Variants in NRF1 observed in about 807,000 individuals in gnomAD.
NRF1 encodes the protein alpha palindromic-binding protein.
NRF1 carries 5 observed loss-of-function variants against 58.5 expected under a neutral mutation model. The observed-to-expected ratio is 0.09, with a 90% CI of 0.04 to 0.18. The LOEUF is 0.18. Among genes scored for constraint, NRF1 ranks in the 10% least tolerant of loss-of-function variants. The pLI is 1.00. For missense variants in NRF1, 288 were observed against 657.7 expected (o/e 0.44, Z 6.15); for synonymous variants, 224 against 246.7 (o/e 0.91, Z 0.86).
At chr7:129,682,475 A>G (rs1802339591) in intron 4 of NRF1, among the ~76,000 whole-genome samples, 1 of 151,828 alleles carries the variant, frequency 6.6e-6, no homozygotes, top group South Asian at 2.1e-4. Flanking sequence ...AAAAAAAACA[A>G]AACAAAAAAA....
intron 5 of NRF1, among the ~76,000 whole-genome samples, chr7:129,697,350 T>C (rs950850279): frequency 1.3e-5 from 2 of 151,918 alleles, no homozygotes; most frequent in South Asian, 4.2e-4. Context: ...GAGACCATCC[T>C]GGCTAACATG....
intron 1 of NRF1, among the ~76,000 whole-genome samples, chr7:129,639,774 C>T (rs1466868719): frequency 1.3e-5 from 2 of 152,148 alleles, no homozygotes; most frequent in Non-Finnish European, 2.9e-5. Flanking sequence ...TCTCGAACTC[C>T]TGGCCTCAGG....
chr7:129,750,593 A>G (rs1804092359), intron 10 of NRF1, among the ~76,000 whole-genome samples: 2 of 152,212 alleles, frequency 1.3e-5, no homozygotes. Context: ...CGAGGTTATG[A>G]AATGACTCCC....
At chr7:129,697,473 G>A (rs1385181267) in intron 5 of NRF1, among the ~76,000 whole-genome samples, 1 of 149,172 alleles carries the variant, frequency 6.7e-6, no homozygotes, top group African/African-American at 2.5e-5. Context: ...GCTTGAACCC[G>A]GGAGGCGGAG....
intron 1 of NRF1, among the ~76,000 whole-genome samples, chr7:129,612,181 G>A (rs1435972787): frequency 6.6e-6 from 1 of 150,974 alleles, no homozygotes; most frequent in Admixed American, 6.6e-5. Flanking sequence ...CCCGCAGCTC[G>A]GGAGCGGGAG....
intron 2 of NRF1, among the ~76,000 whole-genome samples, chr7:129,665,348 C>A (rs1458762751): frequency 6.6e-6 from 1 of 152,154 alleles, no homozygotes; most frequent in Non-Finnish European, 1.5e-5. Flanking sequence ...CTCCACTTAA[C>A]CAGCGTGGGG....
At chr7:129,714,155 G>A (rs1165046196) in intron 8 of NRF1, among the ~76,000 whole-genome samples, 1 of 152,152 alleles carries the variant, frequency 6.6e-6, no homozygotes, top group Non-Finnish European at 1.5e-5. Context: ...CACCTGCCGT[G>A]TTTCTGATTA....
At chr7:129,668,501 G>C (rs1191014196) in intron 2 of NRF1, among the ~76,000 whole-genome samples, 2 of 152,158 alleles carry the variant, frequency 1.3e-5, no homozygotes, top group Admixed American at 1.3e-4. Flanking sequence ...ATCCCATGTT[G>C]AGAGTTTTAT....
intron 1 of NRF1, among the ~76,000 whole-genome samples, chr7:129,612,920 T>C (rs1463454288): frequency 2.0e-5 from 3 of 152,250 alleles, no homozygotes; most frequent in African/African-American, 7.2e-5. Context: ...TCCAGTGATA[T>C]CTGCTCCAAC....
chr7:129,626,651 A>G (rs1800926375), intron 1 of NRF1, among the ~76,000 whole-genome samples: 1 of 152,234 alleles, frequency 6.6e-6, no homozygotes, highest in African/African-American at 2.4e-5. Flanking sequence ...ATTTAAACTT[A>G]CCTACTTTGG....
intron 1 of NRF1, among the ~76,000 whole-genome samples, chr7:129,629,025 G>A (rs1243273350): frequency 6.6e-6 from 1 of 152,218 alleles, no homozygotes; most frequent in African/African-American, 2.4e-5. Flanking sequence ...TAGACTCACT[G>A]TAGCAGATAC....
chr7:129,626,758 CCTT>C (rs1200281546), intron 1 of NRF1, among the ~76,000 whole-genome samples: 24 of 151,674 alleles, frequency 1.6e-4, no homozygotes, highest in African/African-American at 4.9e-4. Flanking sequence ...TCTTTATTCT[CCTT>C]CTGTGATCAG....
At chr7:129,681,680 C>T (rs886902548) in intron 4 of NRF1, among the ~76,000 whole-genome samples, 1 of 152,174 alleles carries the variant, frequency 6.6e-6, no homozygotes, top group Non-Finnish European at 1.5e-5. Context: ...TTCAAGCGAT[C>T]CTCCCGCCTC....
chr7:129,625,353 A>G (rs1175852467), intron 1 of NRF1, among the ~76,000 whole-genome samples: 1 of 152,176 alleles, frequency 6.6e-6, no homozygotes. Flanking sequence ...AAGCATGTGA[A>G]CATATCTTTT....
At chr7:129,702,171 C>A (rs932365931) in intron 5 of NRF1, among the ~76,000 whole-genome samples, 1 of 152,058 alleles carries the variant, frequency 6.6e-6, no homozygotes, top group African/African-American at 2.4e-5. Context: ...CATTTTTGTA[C>A]AGAAGAGTAC....
At chr7:129,704,753 A>G (rs1802911049) in intron 5 of NRF1, among the ~76,000 whole-genome samples, 1 of 152,160 alleles carries the variant, frequency 6.6e-6, no homozygotes, top group Non-Finnish European at 1.5e-5. Flanking sequence ...GCATGAAATA[A>G]AGTTTTGACA....
At chr7:129,624,065 A>AT (rs576526615) in intron 1 of NRF1, among the ~76,000 whole-genome samples, 6 of 152,112 alleles carry the variant, frequency 3.9e-5, no homozygotes, top group Non-Finnish European at 7.4e-5. Context: ...ATGGTATGGT[A>AT]TTTTCCATCC....
intron 1 of NRF1, among the ~76,000 whole-genome samples, chr7:129,644,586 C>G (rs1194986710): frequency 6.6e-6 from 1 of 152,212 alleles, no homozygotes; most frequent in Non-Finnish European, 1.5e-5. Context: ...TCCTTATGAT[C>G]TCATGTGGTC....
At chr7:129,736,918 A>G (rs1562988846) in intron 10 of NRF1, among the ~76,000 whole-genome samples, 1 of 152,230 alleles carries the variant, frequency 6.6e-6, no homozygotes, top group East Asian at 1.9e-4. Flanking sequence ...ATCTTAGGCA[A>G]GCAAATTAAC....
Sources: gnomAD v4.1 joint callset for allele counts (sites outside exome capture counted in the v4.1 genomes callset) on GRCh38, gnomAD v4.1.1 for gene constraint, MANE v1.5 for transcripts, NCBI Gene and HGNC (gene_info 2026-07-23, HGNC 2026-07-21) for gene names.